ACVR1: variants seen among roughly 807,000 people sequenced by gnomAD.
The protein encoded by ACVR1 is activin A receptor type 1.
A neutral mutation model predicts 57.1 loss-of-function variants in ACVR1; 38 were observed. That is an observed-to-expected ratio of 0.67 (90% CI 0.51 to 0.87). ACVR1 has a LOEUF of 0.87. Ranked by LOEUF, ACVR1 falls within the 40% of genes least tolerant of loss-of-function variation. The pLI, the probability that ACVR1 is intolerant of heterozygous loss-of-function variation, is 0.00. For missense variants in ACVR1, 463 were observed against 638.2 expected, an observed-to-expected ratio of 0.73 and a Z score of 2.96; for synonymous variants, 212 against 228.1, an observed-to-expected ratio of 0.93 and a Z score of 0.63.
chr2:157,805,175 G>A (rs186986431), intron 2 of ACVR1, among the ~76,000 whole-genome samples: 84 of 152,314 alleles, frequency 5.5e-4, no homozygotes, highest in Admixed American at 1.5e-3. Flanking sequence ...TAATATTGAG[G>A]ATGAGGGGAA....
At chr2:157,764,498 G>A (rs914168149) in intron 8 of ACVR1, among the ~76,000 whole-genome samples, 3 of 150,946 alleles carry the variant, frequency 2.0e-5, no homozygotes, top group Non-Finnish European at 2.9e-5. Flanking sequence ...GTGAGCCACC[G>A]CGCCCGGCCA....
chr2:157,757,320 T>G (rs958779368), intron 9 of ACVR1, among the ~76,000 whole-genome samples: 2 of 151,582 alleles, frequency 1.3e-5, no homozygotes, highest in African/African-American at 2.4e-5. Context: ...CATAGAAAAC[T>G]TATCCCTATC....
chr2:157,864,511 C>T (rs1689846186), intron 1 of ACVR1, among the ~76,000 whole-genome samples: 1 of 152,192 alleles, frequency 6.6e-6, no homozygotes, highest in Non-Finnish European at 1.5e-5. Context: ...ACTATAATCA[C>T]ACTTGGACAC....
In ACVR1 at chr2:157,761,038, T is replaced by A; in HGVS notation, c.1106A>T (p.Asp369Val). 1 of 1,614,106 alleles carries A rather than the reference T, an allele frequency of 6.2e-7. No homozygotes were observed. The highest frequency in any genetic ancestry group is 8.5e-7 in the Non-Finnish European group (1 of 1,179,996). The change falls in exon 9 of 11, where the codon GAT becomes GTT. Residue 369 changes from aspartate to valine, a missense_variant. Around this residue, in one of 3 missense-constraint regions of ACVR1, gnomAD observed 146 missense variants for 186.6 expected, o/e 0.78. Transcript: ENST00000434821. ...GCCCACACGGGGATTGTTCCCCACA[T>A]CAAGCTGATTGGTGCTCTGGGAATG... is the stretch of plus-strand genomic sequence containing the variant. ...VMHSQSTNQL[D>V]VGNNPRVGTK...
At chr2:157,796,295 T>C (rs1687117583) in intron 3 of ACVR1, among the ~76,000 whole-genome samples, 1 of 151,472 alleles carries the variant, frequency 6.6e-6, no homozygotes, top group Admixed American at 6.6e-5. Flanking sequence ...CTCAAGCCTA[T>C]AATCTCAGCA....
intron 9 of ACVR1, among the ~76,000 whole-genome samples, chr2:157,742,434 C>A (rs948698988): frequency 2.6e-5 from 4 of 152,138 alleles, no homozygotes; most frequent in African/African-American, 4.8e-5. Context: ...CCATGTAAGG[C>A]GGCCAGCGTG....
chr2:157,855,951 A>G (rs1689516929), intron 1 of ACVR1, among the ~76,000 whole-genome samples: 1 of 152,116 alleles, frequency 6.6e-6, no homozygotes, highest in South Asian at 2.1e-4. Context: ...AGTTCCTCGC[A>G]TCATCATGAA....
chr2:157,864,716 C>G (rs16842204), intron 1 of ACVR1, among the ~76,000 whole-genome samples: 5,129 of 152,208 alleles, frequency 0.034, 133 homozygotes, highest in East Asian at 0.14. Flanking sequence ...TTCAAAAGAT[C>G]AGTTCAAAAG....
chr2:157,831,311 C>T (rs1344038288), intron 1 of ACVR1, among the ~76,000 whole-genome samples: 1 of 152,210 alleles, frequency 6.6e-6, no homozygotes, highest in Non-Finnish European at 1.5e-5. Context: ...TAATAAATGG[C>T]TGTTATTAGC....
intron 9 of ACVR1, among the ~76,000 whole-genome samples, chr2:157,739,953 G>A (rs1364269490): frequency 1.3e-5 from 2 of 152,162 alleles, no homozygotes; most frequent in Admixed American, 6.5e-5. Flanking sequence ...GGGAGGTCGT[G>A]GTGGGTGGAC....
intron 9 of ACVR1, among the ~76,000 whole-genome samples, chr2:157,757,006 G>GATATATATATATTTGATATATATAT (rs1559039213): frequency 6.2e-5 from 8 of 129,600 alleles, no homozygotes; most frequent in African/African-American, 2.6e-4. Context: ...ATATATTTGA[G>GATATATATATATTTGATATATATAT]ATATATATAT....
chr2:157,830,733 CAAAA>C (rs10711957), intron 1 of ACVR1, among the ~76,000 whole-genome samples: 29 of 136,704 alleles, frequency 2.1e-4, no homozygotes, highest in Admixed American at 4.4e-4. Context: ...TTTGTTTCAC[CAAAA>C]AAAAAAAAAA....
Position 157,739,579 on chromosome 2 carries a change from C to T in ACVR1, c.1265-1009G>A, listed in dbSNP as rs1249767570. On this transcript the variant is annotated intron_variant, in intron 9 of 10. Coordinates refer to ENST00000434821, the MANE Select transcript of ACVR1 (RefSeq NM_001111067.4). ...TACTGCTCTCTTTTCTTCCTCCAGGCGACTTTCTTCTATTCCTAAATACCT... is the reference window on the plus strand; with the variant it reads ...TACTGCTCTCTTTTCTTCCTCCAGGTGACTTTCTTCTATTCCTAAATACCT... Among the ~76,000 whole-genome samples the T allele has an allele frequency of 2.6e-5, 4 of 152,130 alleles. No homozygotes were observed. The South Asian group carries it at 6.2e-4, about 24-fold the overall frequency.
At chr2:157,846,714 T>C (rs942447942) in intron 1 of ACVR1, among the ~76,000 whole-genome samples, 14 of 152,250 alleles carry the variant, frequency 9.2e-5, no homozygotes, top group African/African-American at 3.4e-4. Flanking sequence ...ATGATACTTA[T>C]AGGGATAAAT....
intron 2 of ACVR1, among the ~76,000 whole-genome samples, chr2:157,802,418 C>T (rs1021308015): frequency 2.0e-5 from 3 of 152,084 alleles, no homozygotes; most frequent in East Asian, 1.9e-4. Flanking sequence ...GAGAGGAAGG[C>T]AAAGGTCAGA....
rs140512219 is a variant in ACVR1, at chr2:157,810,800, T to C, written c.-8+7585A>G. ...CTTCATCCTTTCACCGAACACTTTC[T>C]AGAACAGCAACTACACAGGCTTCCT... On this transcript the variant is annotated intron_variant, in intron 2 of 10. Transcript: ENST00000434821. Among the ~76,000 whole-genome samples, 1,429 of 152,312 alleles carry C rather than the reference T, an allele frequency of 9.4e-3. 9 individuals are homozygous for C. The highest frequency in any genetic ancestry group is 0.014 in the Middle Eastern group (4 of 294).
intron 4 of ACVR1, among the ~76,000 whole-genome samples, chr2:157,780,009 G>A (rs574982162): frequency 3.9e-5 from 6 of 152,278 alleles, no homozygotes; most frequent in African/African-American, 1.2e-4. Flanking sequence ...CAGAAATTAT[G>A]AATGACATCA....
intron 1 of ACVR1, among the ~76,000 whole-genome samples, chr2:157,831,696 G>T (rs912533050): frequency 5.9e-5 from 9 of 152,136 alleles, no homozygotes; most frequent in African/African-American, 1.7e-4. Context: ...CCCACTGCAG[G>T]GTTGGGCCAG....
chr2:157,848,738 T>C (rs550084522), intron 1 of ACVR1, among the ~76,000 whole-genome samples: 40 of 152,196 alleles, frequency 2.6e-4, no homozygotes, highest in Non-Finnish European at 4.1e-4. Context: ...GCACCTCATA[T>C]CTTAAAAGTC....
Sources: gnomAD v4.1 joint callset for allele counts (sites outside exome capture counted in the v4.1 genomes callset) on GRCh38, gnomAD v4.1.1 for gene constraint, gnomAD v4.1.1 regional missense constraint, MANE v1.5 for transcripts, NCBI Gene and HGNC (gene_info 2026-07-23, HGNC 2026-07-21) for gene names.